IMMP2L: variants seen among roughly 807,000 people sequenced by gnomAD.
IMMP2L encodes inner mitochondrial membrane peptidase subunit 2.
A neutral mutation model predicts 19.3 loss-of-function variants in IMMP2L; 18 were observed. The observed-to-expected ratio is 0.93, with a 90% CI of 0.64 to 1.38. IMMP2L has a LOEUF of 1.38. Among genes scored for constraint, IMMP2L ranks in the 40% most tolerant of loss-of-function variants. The probability of loss-of-function intolerance (pLI) is 0.00; values close to 1 mark genes in which losing one functional copy is unlikely to be tolerated. For missense variants in IMMP2L, 233 were observed against 218.2 expected (o/e 1.07, Z -0.43); for synonymous variants, 76 against 73.0 (o/e 1.04, Z -0.21).
chr7:110,673,946 T>A lies in IMMP2L; in HGVS notation c.409-10225A>T, dbSNP rs146078321. 4.7e-3 allele frequency among the ~76,000 whole-genome samples: 709 copies of A among 152,338 alleles called. 4 individuals carry two copies. Among genetic ancestry groups the A allele is most frequent in the African/African-American group, 0.016 (680 of 41,576 alleles). On this transcript the variant is annotated intron_variant, in intron 5 of 5. Coordinates refer to ENST00000405709, the MANE Select transcript of IMMP2L (RefSeq NM_032549.4). Reference sequence around the variant, plus strand: ...TCCAAACTGTTCCAACCTTTGCCTGTTACCCAGTTCCAAAGTTGCTTCTAC... The same window carrying A: ...TCCAAACTGTTCCAACCTTTGCCTGATACCCAGTTCCAAAGTTGCTTCTAC...
At chr7:111,350,361 A>G (rs564346296) in intron 3 of IMMP2L, among the ~76,000 whole-genome samples, 4 of 151,362 alleles carry the variant, frequency 2.6e-5, no homozygotes, top group Non-Finnish European at 5.9e-5. Flanking sequence ...ATATATATAT[A>G]TATATATAGT....
chr7:111,379,146 G>A (rs1036631719), intron 3 of IMMP2L, among the ~76,000 whole-genome samples: 1 of 147,196 alleles, frequency 6.8e-6, no homozygotes, highest in Non-Finnish European at 1.5e-5. Flanking sequence ...TTTGTACACT[G>A]TAAGAGAAGA....
chr7:111,049,479 C>G (rs1792799624), intron 3 of IMMP2L, among the ~76,000 whole-genome samples: 1 of 152,088 alleles, frequency 6.6e-6, no homozygotes, highest in African/African-American at 2.4e-5. Flanking sequence ...AAAACTTCAG[C>G]CTATAGCTAA....
At chr7:111,306,618 GTGTGTGT>G (rs1413610885) in intron 3 of IMMP2L, among the ~76,000 whole-genome samples, 1 of 122,608 alleles carries the variant, frequency 8.2e-6, no homozygotes, top group Non-Finnish European at 1.7e-5. Flanking sequence ...GTGTGTGTGT[GTGTGTGT>G]GTGTGTGTGT....
At chr7:110,899,199 CT>C (rs1404576337) in intron 4 of IMMP2L, among the ~76,000 whole-genome samples, 1 of 151,986 alleles carries the variant, frequency 6.6e-6, no homozygotes, top group Non-Finnish European at 1.5e-5. Flanking sequence ...TTTTAATTAT[CT>C]ACTAATAACA....
intron 3 of IMMP2L, among the ~76,000 whole-genome samples, chr7:111,279,392 A>C (rs1219450337): frequency 1.3e-5 from 2 of 152,134 alleles, no homozygotes; most frequent in Non-Finnish European, 2.9e-5. Flanking sequence ...AGATAAGAGT[A>C]CTGTGAATTA....
At chr7:111,136,629 C>T (rs777742580) in intron 3 of IMMP2L, among the ~76,000 whole-genome samples, 1 of 152,100 alleles carries the variant, frequency 6.6e-6, no homozygotes, top group Non-Finnish European at 1.5e-5. Context: ...GGATGCAGTC[C>T]TCCAGGTGTG....
chr7:111,232,315 A>G (rs976399052), intron 3 of IMMP2L, among the ~76,000 whole-genome samples: 15 of 151,836 alleles, frequency 9.9e-5, no homozygotes, highest in Admixed American at 5.3e-4. Flanking sequence ...CAATAAAAAT[A>G]GCCCACAAAT....
chr7:111,527,059 T>C (rs1442121932), intron 1 of IMMP2L, among the ~76,000 whole-genome samples: 2 of 152,054 alleles, frequency 1.3e-5, no homozygotes, highest in African/African-American at 4.8e-5. Flanking sequence ...AAAAGGAGCA[T>C]GGTAATGAGA....
intron 5 of IMMP2L, among the ~76,000 whole-genome samples, chr7:110,671,576 G>A (rs1791924181): frequency 6.6e-6 from 1 of 152,092 alleles, no homozygotes; most frequent in Non-Finnish European, 1.5e-5. Flanking sequence ...TGATTGAGTT[G>A]GCTCCACTGA....
chr7:111,014,973 T>A (rs1322924313), intron 3 of IMMP2L, among the ~76,000 whole-genome samples: 4 of 152,144 alleles, frequency 2.6e-5, no homozygotes, highest in African/African-American at 9.7e-5. Context: ...AAATGGTGCA[T>A]CCTCTATGGA....
At chr7:111,081,242 A>T (rs214898) in intron 3 of IMMP2L, among the ~76,000 whole-genome samples, 127,119 of 152,190 alleles carry the variant, frequency 0.84, 53,470 homozygotes, top group Non-Finnish European at 0.89. Context: ...AGACAATTAC[A>T]TGAAATATAT....
intron 3 of IMMP2L, among the ~76,000 whole-genome samples, chr7:111,074,694 ACAGAGT>A (rs1231913224): frequency 1.3e-5 from 2 of 152,210 alleles, no homozygotes; most frequent in Non-Finnish European, 2.9e-5. Flanking sequence ...GAAAAGGGTG[ACAGAGT>A]CTCAATTTTT....
At chr7:110,806,170 A>G (rs908055806) in intron 5 of IMMP2L, among the ~76,000 whole-genome samples, 1 of 151,994 alleles carries the variant, frequency 6.6e-6, no homozygotes, top group African/African-American at 2.4e-5. Context: ...AATCAGTACA[A>G]AACCTATTTA....
chr7:111,189,772 A>G (rs1808668678), intron 3 of IMMP2L, among the ~76,000 whole-genome samples: 1 of 152,110 alleles, frequency 6.6e-6, no homozygotes, highest in African/African-American at 2.4e-5. Context: ...CTCTACCTCC[A>G]ACCCACCCCA....
chr7:111,163,767 G>T (rs958517875), intron 3 of IMMP2L, among the ~76,000 whole-genome samples: 1 of 152,038 alleles, frequency 6.6e-6, no homozygotes, highest in African/African-American at 2.4e-5. Context: ...CCAAGGGAAG[G>T]TTTTTTAGGG....
chr7:111,388,097 C>T (rs1831969012), intron 3 of IMMP2L, among the ~76,000 whole-genome samples: 1 of 150,768 alleles, frequency 6.6e-6, no homozygotes, highest in African/African-American at 2.4e-5. Context: ...TTAGAGTCCA[C>T]ACAGCCCTTT....
chr7:111,255,583 T>C (rs1816610170), intron 3 of IMMP2L, among the ~76,000 whole-genome samples: 1 of 152,100 alleles, frequency 6.6e-6, no homozygotes, highest in Admixed American at 6.6e-5. Flanking sequence ...TATGCATGTA[T>C]CATTTTACCC....
intron 3 of IMMP2L, among the ~76,000 whole-genome samples, chr7:111,137,104 G>A (rs555105547): frequency 2.6e-5 from 4 of 152,056 alleles, no homozygotes; most frequent in Admixed American, 6.6e-5. Flanking sequence ...TATAGTCTTC[G>A]TCATGTTGAA....
Sources: gnomAD v4.1 joint callset for allele counts (sites outside exome capture counted in the v4.1 genomes callset) on GRCh38, gnomAD v4.1.1 for gene constraint, MANE v1.5 for transcripts, NCBI Gene and HGNC (gene_info 2026-07-23, HGNC 2026-07-21) for gene names.